Variants in BMS1 observed in about 807,000 individuals in gnomAD.
BMS1 encodes ribosome biogenesis protein BMS1 homolog.
Under a neutral mutation model 138.7 loss-of-function variants are expected in BMS1, and 53 were observed. The observed-to-expected ratio is 0.38, with a 90% CI of 0.31 to 0.48. BMS1 has a LOEUF of 0.48. Ranked by LOEUF, BMS1 falls within the 20% of genes least tolerant of loss-of-function variation. BMS1 has a pLI of 0.97. For synonymous variants in BMS1, 504 were observed against 539.9 expected (o/e 0.93, Z 0.92); for missense variants, 1,360 against 1,565.5 (o/e 0.87, Z 2.22).
intron 6 of BMS1, 83 bp downstream of exon 6, chr10:42,791,852 T>C (rs1460085960): frequency 9.4e-5 from 139 of 1,481,164 alleles, no homozygotes; most frequent in Non-Finnish European, 1.2e-4. Flanking sequence ...TGATAGGATT[T>C]ATTTTGTGCC....
At chr10:42,822,650 A>C (rs1192039598) in intron 19 of BMS1, among the ~76,000 whole-genome samples, 3 of 152,248 alleles carry the variant, frequency 2.0e-5, no homozygotes, top group Admixed American at 1.3e-4. Context: ...GCATTTATTG[A>C]GAATTTCATT....
intron 15 of BMS1, among the ~76,000 whole-genome samples, chr10:42,818,334 TG>T (rs1842408289): frequency 6.6e-6 from 1 of 152,218 alleles, no homozygotes; most frequent in African/African-American, 2.4e-5. Flanking sequence ...CCTAGAGCCT[TG>T]TGGGCCATTG....
chr10:42,783,860 C>T (rs1312366696), intron 1 of BMS1, among the ~76,000 whole-genome samples: 1 of 152,188 alleles, frequency 6.6e-6, no homozygotes, highest in African/African-American at 2.4e-5. Flanking sequence ...AAACGTTTCA[C>T]ATTTTTTTAT....
chr10:42,817,775 T>C (rs1842390504), intron 15 of BMS1, among the ~76,000 whole-genome samples: 1 of 152,212 alleles, frequency 6.6e-6, no homozygotes, highest in African/African-American at 2.4e-5. Flanking sequence ...TTTTGAGACA[T>C]GGTCTTACAA....
At chr10:42,792,823 A>T in intron 7 of BMS1, 134 bp from the exon 8 acceptor site, 1 of 1,291,616 alleles carries the variant, frequency 7.7e-7, no homozygotes, top group South Asian at 1.5e-5. Context: ...CCACTGTTCC[A>T]GTGTGGCACA....
chr10:42,808,391 C>G lies in BMS1; in HGVS notation c.2329+6173C>G, dbSNP rs546868533. ...TCCACTCACTGCAAGCTCTGTCCCC[C>G]GGGTTCATGCCATTCTCCTGCCTCA... On this transcript the variant is annotated intron_variant, in intron 13 of 22. Coordinates refer to ENST00000374518, the MANE Select transcript of BMS1 (RefSeq NM_014753.4). Among the ~76,000 whole-genome samples, 4 of 151,856 alleles carry G rather than the reference C, an allele frequency of 2.6e-5. No homozygotes were observed. The East Asian group carries it at 5.8e-4, about 22-fold the overall frequency.
At position 42,820,681 on chromosome 10, in the gene BMS1, C is replaced by T. The variant is rs775625236; in HGVS notation, c.2943C>T (p.Ala981=). 1.2e-6 allele frequency: 2 copies of T among 1,611,558 alleles called. No homozygotes were observed. Among genetic ancestry groups the T allele is most frequent in the South Asian group, 2.2e-5 (2 of 90,928 alleles). ...YTPQHMHCGA[A]FWGPITPQGT... ...CACAGCACATGCATTGCGGAGCAGC[C>T]TTTTGGGGTAAAATATGATTACAAT... The change falls in exon 17 of 23, where the codon GCC becomes GCT. Residue 981 remains alanine (A), a synonymous_variant. Coordinates refer to ENST00000374518, the MANE Select transcript of BMS1 (RefSeq NM_014753.4).
intron 21 of BMS1, among the ~76,000 whole-genome samples, chr10:42,829,045 T>G (rs1233396487): frequency 6.6e-6 from 1 of 152,188 alleles, no homozygotes. Flanking sequence ...TAGGAGAAAC[T>G]TGTTCTATAT....
At chr10:42,809,987 C>T (rs1010956488) in intron 13 of BMS1, among the ~76,000 whole-genome samples, 2 of 121,578 alleles carry the variant, frequency 1.6e-5, no homozygotes, top group Admixed American at 1.0e-4. Context: ...AGAGCCAGGT[C>T]TTACTGTGTT....
At chr10:42,789,126 CACTG>C (rs1192062247) in intron 4 of BMS1, among the ~76,000 whole-genome samples, 9 of 152,176 alleles carry the variant, frequency 5.9e-5, no homozygotes, top group African/African-American at 2.2e-4. Context: ...AGGGGAATAA[CACTG>C]GCTTAGATGA....
At chr10:42,790,891 C>T (rs546125150) in intron 5 of BMS1, among the ~76,000 whole-genome samples, 1 of 152,258 alleles carries the variant, frequency 6.6e-6, no homozygotes, top group African/African-American at 2.4e-5. Context: ...AAACGTCTCT[C>T]TAGGATTCGC....
In BMS1 at chr10:42,791,749, C is replaced by G; in HGVS notation, c.759C>G (p.His253Gln). The change falls in exon 6 of 23, where the codon CAC (histidine) becomes CAG (glutamine). Residue 253 changes from histidine to glutamine, a missense_variant. Around this residue, in one of 3 missense-constraint regions of BMS1, gnomAD observed 697 missense variants for 686.2 expected, o/e 1.02. Transcript: ENST00000374518. ...GGCCTCTCACATGGCAAACTTCTCA[C>G]CCTTATATCCTGGCAGACAGGTAAA... The part of the protein sequence containing the change: ...KFRPLTWQTS[H>Q]PYILADRMED... 6.2e-7 allele frequency: 1 copy of G among 1,605,622 alleles called. No individual in the cohort carries two copies. Among genetic ancestry groups the G allele is most frequent in the Non-Finnish European group, 8.5e-7 (1 of 1,177,946 alleles).
intron 13 of BMS1, among the ~76,000 whole-genome samples, chr10:42,816,025 G>A (rs1842337611): frequency 6.6e-6 from 1 of 152,110 alleles, no homozygotes; most frequent in African/African-American, 2.4e-5. Flanking sequence ...CCATTGGCCA[G>A]GTGCAGTGGC....
At chr10:42,786,822 G>A (rs867107741) in intron 3 of BMS1, among the ~76,000 whole-genome samples, 1 of 152,142 alleles carries the variant, frequency 6.6e-6, no homozygotes, top group Non-Finnish European at 1.5e-5. Flanking sequence ...TGTAGCTCTA[G>A]TGGGAATACG....
chr10:42,785,360 A>G, intron 2 of BMS1, 122 bp from the exon 3 acceptor site: 1 of 725,710 alleles, frequency 1.4e-6, no homozygotes, highest in Non-Finnish European at 2.2e-6. Flanking sequence ...TCTCTATAAA[A>G]TGTGCTAAAG....
intron 13 of BMS1, among the ~76,000 whole-genome samples, chr10:42,804,083 G>A (rs572657720): frequency 6.6e-6 from 1 of 152,146 alleles, no homozygotes; most frequent in African/African-American, 2.4e-5. Context: ...TCTTTTTGTT[G>A]GCTAGTGGGT....
chr10:42,790,027 G>C (rs926943300), intron 4 of BMS1, among the ~76,000 whole-genome samples: 1 of 152,112 alleles, frequency 6.6e-6, no homozygotes, highest in African/African-American at 2.4e-5. Context: ...TCTCTGTCTG[G>C]GTGATGCCTG....
chr10:42,831,093 GT>G lies in BMS1; in HGVS notation c.3847del (p.Ter1283GlufsTer26), dbSNP rs1842790837. ...SLKGAEGQLQ[*>X] Reference sequence around the variant, plus strand: ...TGAAGGGGGCTGAGGGCCAATTGCAGTGAGCCTTTGGACTGGAGGGACTGTC... The same window carrying G: ...TGAAGGGGGCTGAGGGCCAATTGCAGGAGCCTTTGGACTGGAGGGACTGTC... On this transcript the variant is annotated frameshift_variant and stop_lost, in exon 23 of 23. Transcript: ENST00000374518. LOFTEE classifies it high-confidence loss of function. 1 of 1,559,750 alleles carries G rather than the reference GT, an allele frequency of 6.4e-7. No individual in the cohort carries two copies.
chr10:42,797,314 T>C, intron 10 of BMS1, 83 bp downstream of exon 10: 1 of 1,577,604 alleles, frequency 6.3e-7, no homozygotes, highest in East Asian at 2.2e-5. Context: ...TAGGGGTCTG[T>C]TGATTCTGTG....
Sources: allele counts gnomAD v4.1 joint callset (sites outside exome capture counted in the v4.1 genomes callset), GRCh38; gene constraint gnomAD v4.1.1; regional missense constraint gnomAD v4.1.1; transcripts MANE v1.5; gene names NCBI Gene and HGNC (gene_info 2026-07-23, HGNC 2026-07-21).